The following SLC34A2 variants were observed in gnomAD, a reference collection of about 807,000 sequenced individuals.
SLC34A2 encodes the protein sodium-dependent phosphate transport protein 2B.
In SLC34A2, 41 loss-of-function variants were observed where a neutral mutation model predicts 50.8. That is an observed-to-expected ratio of 0.81 (90% CI 0.63 to 1.05). The LOEUF (loss-of-function observed/expected upper bound fraction) is 1.05. Among genes scored for constraint, SLC34A2 ranks in the 50% least tolerant of loss-of-function variants. SLC34A2 has a pLI of 0.00. For missense variants in SLC34A2, 879 were observed against 876.7 expected, an observed-to-expected ratio of 1.00 and a Z score of -0.03; for synonymous variants, 401 against 364.2, an observed-to-expected ratio of 1.10 and a Z score of -1.15.
intron 8 of SLC34A2, 81 bp from the exon 9 acceptor site, chr4:25,671,520 T>C: frequency 6.3e-7 from 1 of 1,582,822 alleles, no homozygotes; most frequent in East Asian, 2.2e-5. Flanking sequence ...TGTCTGCGCC[T>C]GTTCATTCCC....
At chr4:25,664,370 T>C (rs1714377512) in intron 4 of SLC34A2, 40 bp downstream of exon 4, 1 of 1,612,336 alleles carries the variant, frequency 6.2e-7, no homozygotes, top group South Asian at 1.1e-5. Flanking sequence ...GTGAGGGGCA[T>C]TATCTTGAAA....
intron 1 of SLC34A2, among the ~76,000 whole-genome samples, chr4:25,661,722 TA>T (rs537578407): frequency 9.2e-5 from 14 of 152,176 alleles, no homozygotes; most frequent in Non-Finnish European, 1.5e-4. Flanking sequence ...CTAAGTTGTA[TA>T]AATCTGTTAA....
intron 3 of SLC34A2, 39 bp from the exon 4 acceptor site, chr4:25,664,163 A>T: frequency 6.2e-7 from 1 of 1,608,276 alleles, no homozygotes; most frequent in Non-Finnish European, 8.5e-7. Flanking sequence ...TAAAAGTTTC[A>T]TGCCTTTCTC....
At chr4:25,670,534 G>A (rs760711261) in intron 7 of SLC34A2, among the ~76,000 whole-genome samples, 1 of 152,094 alleles carries the variant, frequency 6.6e-6, no homozygotes, top group African/African-American at 2.4e-5. Flanking sequence ...TGGTTTTCTT[G>A]GCCATTCAGT....
At position 25,677,435 on chromosome 4, in the gene SLC34A2, T is replaced by C. The variant is rs1443152093; in HGVS notation, c.*686T>C. ...ATGGGAGCCACGCCTGAACTAGAGT[T>C]CAGGCTGGATACATGTGCTCACCTG... On this transcript the variant is annotated 3_prime_UTR_variant, in exon 13 of 13. Transcript: ENST00000382051. The C allele has an allele frequency of 6.6e-6, 1 of 152,576 alleles. No homozygotes were observed. Among genetic ancestry groups the C allele is most frequent in the Non-Finnish European group, 1.5e-5 (1 of 68,342 alleles). 9.5% of individuals were successfully genotyped at this position (152,576 alleles called of 1,614,324 possible).
In SLC34A2 at chr4:25,676,363, G is replaced by T. The variant is rs766256521; in HGVS notation, c.1687G>T (p.Val563Phe). The T allele has an allele frequency of 6.2e-7, 1 of 1,614,142 alleles. No individual in the cohort carries two copies. The highest frequency in any genetic ancestry group is 8.5e-7 in the Non-Finnish European group (1 of 1,180,032). Residue 563 changes from valine to phenylalanine, a missense_variant, in exon 13 of 13, where the codon GTC becomes TTC. Val to Phe is a conservative substitution (Grantham distance 50). Transcript: ENST00000382051. ...GCTGGTTGGTGTCGGGGTTCCCGTC[G>T]TCTTCATCATCATCCTGGTACTGTG... is the stretch of plus-strand genomic sequence containing the variant. ...RVLVGVGVPVVFIIILVLCLR... is the reference protein window; with the variant it reads ...RVLVGVGVPVFFIIILVLCLR...
intron 1 of SLC34A2, among the ~76,000 whole-genome samples, chr4:25,661,007 A>T (rs1577489728): frequency 6.6e-6 from 1 of 152,350 alleles, no homozygotes; most frequent in Admixed American, 6.5e-5. Flanking sequence ...GTCAAGTACC[A>T]TGTAACTGAG....
At chr4:25,658,353 T>G (rs1713998165) in intron 1 of SLC34A2, among the ~76,000 whole-genome samples, 1 of 152,210 alleles carries the variant, frequency 6.6e-6, no homozygotes, top group African/African-American at 2.4e-5. Flanking sequence ...TGTGTGTCCA[T>G]GTTCTGGTTC....
chr4:25,674,160 C>A, intron 10 of SLC34A2, 136 bp from the exon 11 acceptor site: 1 of 722,926 alleles, frequency 1.4e-6, no homozygotes. Context: ...AAACTGGATT[C>A]TAAAACTCTA....
At position 25,676,803 on chromosome 4, in the gene SLC34A2, C is replaced by A. The variant is rs954195092; in HGVS notation, c.*54C>A. ...GGATGGTCCTTGAGTTTTGCATGCT[C>A]TCCTCCCTCCCACTTCTGCACCCTT... On this transcript the variant is annotated 3_prime_UTR_variant, in exon 13 of 13. Coordinates refer to ENST00000382051, the MANE Select transcript of SLC34A2 (RefSeq NM_006424.3). The A allele has an allele frequency of 4.3e-6, 7 of 1,610,822 alleles. No homozygotes were observed. Among genetic ancestry groups the A allele is most frequent in the Middle Eastern group, 1.8e-4 (1 of 5,706 alleles).
rs921277751 is a variant in SLC34A2 at position 25,678,042 on chromosome 4, AGCCTCCT to A, written c.*1298_*1304del. On this transcript the variant is annotated 3_prime_UTR_variant, in exon 13 of 13. Transcript: ENST00000382051. ...TAGATGCCTTCTCTGTGCCTTCCAC[AGCCTCCT>A]GCCTGATTACACCACTGCCCCCGCC... is the stretch of plus-strand genomic sequence containing the variant. 20 of 152,698 alleles carry A rather than the reference AGCCTCCT, an allele frequency of 1.3e-4. No homozygotes were observed. Among genetic ancestry groups the A allele is most frequent in the African/African-American group, 4.8e-4 (20 of 41,384 alleles). The allele number at this position is 152,698 out of a possible 1,614,324, so 9.5% of individuals were successfully genotyped here.
rs1715108150 is a variant in SLC34A2 at position 25,676,275 on chromosome 4, G to GATC, written c.1603_1605dup (p.Ile535dup). ...ATCGCTGGTTCGCCGTCTTCTACCT[G>GATC]ATCATCTTCTTCTTCCTGATCCCGC... On this transcript the variant is annotated inframe_insertion, in exon 13 of 13. Coordinates refer to ENST00000382051, the MANE Select transcript of SLC34A2 (RefSeq NM_006424.3). 6.2e-7 allele frequency: 1 copy of GATC among 1,614,030 alleles called. No individual in the cohort carries two copies. The highest frequency in any genetic ancestry group is 1.7e-5 in the Admixed American group (1 of 59,998).
intron 1 of SLC34A2, among the ~76,000 whole-genome samples, chr4:25,661,874 CTTT>C (rs796086178): frequency 1.4e-5 from 2 of 138,482 alleles, no homozygotes; most frequent in Non-Finnish European, 1.6e-5. Context: ...CTGCCTTTTT[CTTT>C]TTTTTTTTTT....
intron 4 of SLC34A2, chr4:25,665,163 C>CTT (rs10676891): frequency 0.1 from 13,261 of 126,918 alleles, 1,243 homozygotes; most frequent in African/African-American, 0.23. Context: ...CTGGACATTG[C>CTT]TTTTTTTTTT....
Position 25,662,487 on chromosome 4 carries a change from C to G in SLC34A2, c.-3-11C>G, listed in dbSNP as rs1440416179. ...CATGACTGCTGCTTTAAGCTGTTTT[C>G]TCATCCACAGACCATGGCTCCCTGG... On this transcript the variant is annotated splice_polypyrimidine_tract_variant and intron_variant, in intron 1 of 12. Transcript: ENST00000382051. 1 of 1,611,786 alleles carries G rather than the reference C, an allele frequency of 6.2e-7. No individual in the cohort carries two copies. The highest frequency in any genetic ancestry group is 8.5e-7 in the Non-Finnish European group (1 of 1,178,138).
chr4:25,674,807 A>G (rs751418606), intron 12 of SLC34A2, among the ~76,000 whole-genome samples, 178 bp downstream of exon 12: 10 of 152,214 alleles, frequency 6.6e-5, no homozygotes, highest in Admixed American at 4.6e-4. Context: ...AATCAAAACT[A>G]TCAGTTCTGA....
At chr4:25,666,347 A>T in intron 5 of SLC34A2, 76 bp downstream of exon 5, 1 of 1,535,050 alleles carries the variant, frequency 6.5e-7, no homozygotes, top group Non-Finnish European at 8.9e-7. Flanking sequence ...AGGACGGGGG[A>T]GGAATTCACT....
chr4:25,676,162 A>G lies in SLC34A2; in HGVS notation c.1486A>G (p.Ile496Val). 2 of 1,613,838 alleles carry G rather than the reference A, an allele frequency of 1.2e-6. No individual in the cohort carries two copies. Among genetic ancestry groups the G allele is most frequent in the Non-Finnish European group, 1.7e-6 (2 of 1,179,974 alleles). Residue 496 changes from isoleucine (I) to valine (V), a missense_variant, in exon 13 of 13, where the codon ATC becomes GTC. Physicochemically the swap from Ile to Val is conservative, Grantham distance 29. Coordinates refer to ENST00000382051, the MANE Select transcript of SLC34A2 (RefSeq NM_006424.3). The part of the protein sequence containing the change: ...QIALCHFFFN[I>V]SGILLWYPIP... ...CGCCCTGTGCCACTTTTTCTTCAAC[A>G]TCTCCGGCATCTTGCTGTGGTACCC...
intron 6 of SLC34A2, among the ~76,000 whole-genome samples, chr4:25,668,418 C>T (rs570872211): frequency 6.6e-6 from 1 of 152,208 alleles, no homozygotes; most frequent in Non-Finnish European, 1.5e-5. Flanking sequence ...TCTGGGAGGC[C>T]CAGGCGGGTG....
Sources: allele counts gnomAD v4.1 joint callset (sites outside exome capture counted in the v4.1 genomes callset), GRCh38; gene constraint gnomAD v4.1.1; transcripts MANE v1.5; gene names NCBI Gene and HGNC (gene_info 2026-07-23, HGNC 2026-07-21).